Variants in CDK14 observed in about 807,000 individuals in gnomAD.
The protein encoded by CDK14 is cyclin dependent kinase 14, also known as cyclin-dependent kinase 14.
A neutral mutation model predicts 60.7 loss-of-function variants in CDK14; 34 were observed. That is an observed-to-expected ratio of 0.56 (90% CI 0.43 to 0.75). CDK14 has a LOEUF of 0.75. Among genes scored for constraint, CDK14 ranks in the 30% least tolerant of loss-of-function variants. The pLI, the probability that CDK14 is intolerant of heterozygous loss-of-function variation, is 0.00. For synonymous variants in CDK14, 197 were observed against 203.7 expected (o/e 0.97, Z 0.28); for missense variants, 482 against 564.1 (o/e 0.85, Z 1.47).
chr7:90,881,669 G>T (rs1429492009), intron 6 of CDK14, among the ~76,000 whole-genome samples: 1 of 152,150 alleles, frequency 6.6e-6, no homozygotes, highest in Admixed American at 6.5e-5. Context: ...AGTAAAAATT[G>T]TTAAGGGCAG....
chr7:90,900,465 C>A lies in CDK14; in HGVS notation c.702+1112C>A, dbSNP rs181573561. 2.2e-3 allele frequency among the ~76,000 whole-genome samples: 333 copies of A among 152,220 alleles called. 3 individuals carry two copies. The highest frequency in any genetic ancestry group is 3.7e-4 in the Non-Finnish European group (25 of 67,992). ...GGATGAAAATACGTGTTTTATTAAT[C>A]TTGTCTATGTTCAATTCCAACTCTA... is the stretch of plus-strand genomic sequence containing the variant. On this transcript the variant is annotated intron_variant, in intron 7 of 14. Coordinates refer to ENST00000380050, the MANE Select transcript of CDK14 (RefSeq NM_001287135.2).
chr7:91,179,219 C>T (rs7787915), intron 14 of CDK14, among the ~76,000 whole-genome samples: 80,259 of 150,876 alleles, frequency 0.53, 22,042 homozygotes, highest in Middle Eastern at 0.58. Context: ...ATGGATGAAA[C>T]TGGAAATTAT....
At chr7:90,761,266 T>A (rs1050435765) in intron 4 of CDK14, among the ~76,000 whole-genome samples, 1 of 152,092 alleles carries the variant, frequency 6.6e-6, no homozygotes, top group Non-Finnish European at 1.5e-5. Context: ...TGATATTTGC[T>A]GTTGTTAAAA....
At chr7:91,103,513 A>G (rs1008784748) in intron 12 of CDK14, among the ~76,000 whole-genome samples, 2 of 152,140 alleles carry the variant, frequency 1.3e-5, no homozygotes, top group Non-Finnish European at 2.9e-5. Flanking sequence ...AGTGAGAGGC[A>G]CTGTTTGTTC....
chr7:90,775,772 C>A (rs1160254517), intron 4 of CDK14, among the ~76,000 whole-genome samples: 1 of 110,666 alleles, frequency 9.0e-6, no homozygotes, highest in Non-Finnish European at 1.8e-5. Flanking sequence ...CTTTCTCCCC[C>A]CCACCCTTCT....
intron 10 of CDK14, among the ~76,000 whole-genome samples, chr7:91,011,409 A>G (rs1203507270): frequency 3.3e-5 from 5 of 152,204 alleles, no homozygotes; most frequent in Admixed American, 2.6e-4. Context: ...CAATTTAATT[A>G]TAATGCATTT....
chr7:90,763,471 C>T (rs1243793598), intron 4 of CDK14, among the ~76,000 whole-genome samples: 1 of 152,184 alleles, frequency 6.6e-6, no homozygotes, highest in Admixed American at 6.5e-5. Context: ...TGTTTTAAAA[C>T]CCCGTATAGA....
chr7:90,700,508 T>G (rs77816614), intron 2 of CDK14, among the ~76,000 whole-genome samples: 1,843 of 152,210 alleles, frequency 0.012, 22 homozygotes, highest in Non-Finnish European at 0.021. Context: ...AAAAGAACCT[T>G]TATTCATAAA....
At chr7:90,853,033 T>TA (rs749357356) in intron 5 of CDK14, among the ~76,000 whole-genome samples, 4 of 152,226 alleles carry the variant, frequency 2.6e-5, no homozygotes, top group Non-Finnish European at 2.9e-5. Flanking sequence ...ATTCATTTTT[T>TA]ATGGTCTTTT....
At position 91,079,418 on chromosome 7, in the gene CDK14, CT is replaced by C; in HGVS notation, c.1106-8del. ...GATACAAAGATTGTTTATCATTTTTCTTTTTTATTTCAGAACGCTTTACCCT... is the reference window on the plus strand; with the variant it reads ...GATACAAAGATTGTTTATCATTTTTCTTTTTATTTCAGAACGCTTTACCCT... On this transcript the variant is annotated splice_polypyrimidine_tract_variant and intron_variant, in intron 11 of 14. Transcript: ENST00000380050. 1 of 1,545,874 alleles carries C rather than the reference CT, an allele frequency of 6.5e-7. No individual in the cohort carries two copies. Among genetic ancestry groups the C allele is most frequent in the Non-Finnish European group, 8.8e-7 (1 of 1,132,626 alleles).
At chr7:91,143,771 C>T (rs189254758) in intron 14 of CDK14, among the ~76,000 whole-genome samples, 74 of 152,176 alleles carry the variant, frequency 4.9e-4, no homozygotes, top group African/African-American at 1.7e-3. Context: ...TTACTGCATG[C>T]TAGACATCAT....
chr7:91,128,417 C>T lies in CDK14; in HGVS notation c.*28+10209C>T, dbSNP rs1000807060. Among the ~76,000 whole-genome samples the T allele has an allele frequency of 2.6e-5, 4 of 152,242 alleles. No homozygotes were observed. The East Asian group carries it at 7.7e-4, about 29-fold the overall frequency. Reference sequence around the variant, plus strand: ...ACATCAGTGTGAATCCACTCATCCCCTCATTTGGGAATTGTATTGTGTGGT... The same window carrying T: ...ACATCAGTGTGAATCCACTCATCCCTTCATTTGGGAATTGTATTGTGTGGT... On this transcript the variant is annotated intron_variant, in intron 14 of 14. Transcript: ENST00000380050.
At chr7:91,186,946 A>C (rs1049996801) in intron 14 of CDK14, among the ~76,000 whole-genome samples, 13 of 152,226 alleles carry the variant, frequency 8.5e-5, no homozygotes, top group Admixed American at 6.5e-4. Context: ...CTGCAGGAAG[A>C]AATACCACCA....
intron 4 of CDK14, among the ~76,000 whole-genome samples, chr7:90,772,054 C>T (rs966326451): frequency 6.6e-6 from 1 of 152,166 alleles, no homozygotes; most frequent in African/African-American, 2.4e-5. Context: ...GTTGTCAGGA[C>T]ATGGAGGGTC....
Position 91,151,649 on chromosome 7 carries a change from G to T in CDK14, c.*28+33441G>T, listed in dbSNP as rs540181910. Among the ~76,000 whole-genome samples the T allele has an allele frequency of 9.9e-5, 15 of 152,192 alleles. No homozygotes were observed. The South Asian group carries it at 3.1e-3, about 32-fold the overall frequency. ...GGTTTGGAATGACATCCCTCTTGGC[G>T]GTCCACATTTGGTTCTAAAAGGTCA... is the stretch of plus-strand genomic sequence containing the variant. On this transcript the variant is annotated intron_variant, in intron 14 of 14. Coordinates refer to ENST00000380050, the MANE Select transcript of CDK14 (RefSeq NM_001287135.2).
intron 8 of CDK14, among the ~76,000 whole-genome samples, chr7:90,936,023 C>T (rs1793740646): frequency 6.6e-6 from 1 of 150,482 alleles, no homozygotes; most frequent in Admixed American, 6.6e-5. Context: ...GCATGGGCAA[C>T]AGAGCGAGAC....
chr7:90,650,802 G>T (rs1187739309), intron 2 of CDK14, among the ~76,000 whole-genome samples: 2 of 152,134 alleles, frequency 1.3e-5, no homozygotes, highest in Admixed American at 6.5e-5. Flanking sequence ...CCTCTGTTGT[G>T]TTCCATTAGT....
chr7:91,147,176 A>T (rs2724358), intron 14 of CDK14, among the ~76,000 whole-genome samples: 35,762 of 117,734 alleles, frequency 0.3, 6,483 homozygotes, highest in Non-Finnish European at 0.44. Flanking sequence ...ACACACACAC[A>T]CACACACACA....
At chr7:90,752,926 TC>T (rs1803907965) in intron 4 of CDK14, among the ~76,000 whole-genome samples, 4 of 151,854 alleles carry the variant, frequency 2.6e-5, no homozygotes, top group Non-Finnish European at 1.5e-5. Flanking sequence ...ACACATAACC[TC>T]CCAATATTGC....
Sources: allele counts gnomAD v4.1 joint callset (sites outside exome capture counted in the v4.1 genomes callset), GRCh38; gene constraint gnomAD v4.1.1; transcripts MANE v1.5; gene names NCBI Gene and HGNC (gene_info 2026-07-23, HGNC 2026-07-21).